The following GPR158 variants were observed in gnomAD, a reference collection of about 807,000 sequenced individuals.
The protein encoded by GPR158 is metabotropic glycine receptor.
GPR158 carries 30 observed loss-of-function variants against 78.2 expected under a neutral mutation model. The observed-to-expected ratio is 0.38, with a 90% CI of 0.29 to 0.52. The LOEUF is 0.52. GPR158 is among the 20% of genes least tolerant of loss of function. The pLI is 0.83. For missense variants in GPR158, 1,463 were observed against 1,523.5 expected, an observed-to-expected ratio of 0.96 and a Z score of 0.66; for synonymous variants, 581 against 591.1, an observed-to-expected ratio of 0.98 and a Z score of 0.25.
In GPR158 at chr10:25,594,825, T is replaced by A. The variant is rs527910646; in HGVS notation, c.1998+428T>A. On this transcript the variant is annotated intron_variant, in intron 9 of 10. Transcript: ENST00000376351. ...ATTATTACATATAGAGGAATCTCCA[T>A]AATGATAGATACTGACAAAGACTTG... Among the ~76,000 whole-genome samples the A allele has an allele frequency of 1.2e-4, 19 of 152,264 alleles. 1 individual carries two copies. In the South Asian group the frequency reaches 2.5e-3, roughly 20 times the overall value.
rs1852535104 is a variant in GPR158, at chr10:25,176,462, G to A, written c.902+140G>A. On this transcript the variant is annotated intron_variant, in intron 1 of 10. Transcript: ENST00000376351. The surrounding 1 kb of genome is among the most constrained non-coding windows in gnomAD (Gnocchi z 6.3). ...CCTCAGAGTAGAGACCCGGGCTGAGGGACACCCCACGCGGGCGCGGGTGCT... is the reference window on the plus strand; with the variant it reads ...CCTCAGAGTAGAGACCCGGGCTGAGAGACACCCCACGCGGGCGCGGGTGCT... 3.6e-5 allele frequency: 26 copies of A among 726,074 alleles called. No individual in the cohort carries two copies. The East Asian group carries it at 7.4e-4, about 21-fold the overall frequency. The allele number at this position is 726,074 out of a possible 1,614,324, so 45.0% of individuals were successfully genotyped here.
chr10:25,437,574 G>T lies in GPR158; in HGVS notation c.1335+25101G>T, dbSNP rs560340277. On this transcript the variant is annotated intron_variant, in intron 4 of 10. Transcript: ENST00000376351. ...TGCATTTAATAGTGCAGGAACAACT[G>T]TCTATTCATATGGAAAAATACAATA... Among the ~76,000 whole-genome samples, 6 of 152,310 alleles carry T rather than the reference G, an allele frequency of 3.9e-5. No individual in the cohort carries two copies. In the South Asian group the frequency reaches 6.2e-4, roughly 16 times the overall value.
chr10:25,340,874 G>A (rs1435901887), intron 2 of GPR158, among the ~76,000 whole-genome samples: 1 of 151,960 alleles, frequency 6.6e-6, no homozygotes, highest in African/African-American at 2.4e-5. Context: ...TAACTCCAAA[G>A]AAGTACTATT....
At chr10:25,212,910 A>G (rs1434970567) in intron 1 of GPR158, among the ~76,000 whole-genome samples, 1 of 152,114 alleles carries the variant, frequency 6.6e-6, no homozygotes, top group Non-Finnish European at 1.5e-5. Flanking sequence ...GATTACTGGT[A>G]TGAGCCATGG....
chr10:25,257,879 A>T (rs1303181179), intron 2 of GPR158, among the ~76,000 whole-genome samples: 2 of 152,126 alleles, frequency 1.3e-5, no homozygotes, highest in Non-Finnish European at 2.9e-5. Context: ...TCTTCTGTCC[A>T]TGCGGGTTAG....
chr10:25,572,940 C>A, intron 7 of GPR158, 53 bp downstream of exon 7: 2 of 1,023,064 alleles, frequency 2.0e-6, no homozygotes, highest in South Asian at 1.3e-5. Context: ...AGTAGCATTA[C>A]AACTGACTTC....
At chr10:25,356,398 T>C (rs190837696) in intron 2 of GPR158, among the ~76,000 whole-genome samples, 2 of 152,096 alleles carry the variant, frequency 1.3e-5, no homozygotes, top group East Asian at 3.9e-4. Context: ...CTTTGCGACT[T>C]TTTTTTGTTG....
intron 6 of GPR158, among the ~76,000 whole-genome samples, chr10:25,563,372 T>C (rs563006684): frequency 5.9e-5 from 9 of 152,308 alleles, no homozygotes; most frequent in African/African-American, 1.7e-4. Flanking sequence ...AGAAAACATA[T>C]AGTTGGATCA....
intron 5 of GPR158, among the ~76,000 whole-genome samples, chr10:25,468,720 A>T (rs1052765774): frequency 6.6e-6 from 1 of 152,236 alleles, no homozygotes; most frequent in Admixed American, 6.5e-5. Context: ...CCAGAAGATA[A>T]GTACTGACTT....
chr10:25,528,760 C>T (rs1009038165), intron 5 of GPR158, among the ~76,000 whole-genome samples: 1 of 152,042 alleles, frequency 6.6e-6, no homozygotes, highest in Non-Finnish European at 1.5e-5. Context: ...TAGTAATTTA[C>T]AAGTTTAGTC....
chr10:25,307,376 G>GT (rs1854693019), intron 2 of GPR158, among the ~76,000 whole-genome samples: 1 of 76,832 alleles, frequency 1.3e-5, no homozygotes, highest in African/African-American at 4.8e-5. Context: ...TATTTTAATT[G>GT]CTTTTTTTTT....
intron 7 of GPR158, among the ~76,000 whole-genome samples, chr10:25,588,476 G>T (rs1837299464): frequency 6.6e-6 from 1 of 152,140 alleles, no homozygotes; most frequent in Non-Finnish European, 1.5e-5. Flanking sequence ...GACAAAACAA[G>T]GTTTTATTTA....
At chr10:25,596,514 T>TATAG (rs111466818) in intron 9 of GPR158, 129 bp from the exon 10 acceptor site, 144 of 628,450 alleles carry the variant, frequency 2.3e-4, no homozygotes, top group Admixed American at 2.1e-3. Flanking sequence ...TATCTATATA[T>TATAG]ATAGATAGAT....
At chr10:25,289,416 A>G (rs1179561172) in intron 2 of GPR158, among the ~76,000 whole-genome samples, 2 of 152,146 alleles carry the variant, frequency 1.3e-5, no homozygotes, top group Non-Finnish European at 2.9e-5. Flanking sequence ...TTCCAGGCAA[A>G]GGAAGAGCAT....
intron 5 of GPR158, among the ~76,000 whole-genome samples, chr10:25,476,793 C>T (rs1238579697): frequency 6.6e-6 from 1 of 152,052 alleles, no homozygotes; most frequent in African/African-American, 2.4e-5. Context: ...TGGGAAGGCC[C>T]ATGTTGTACC....
chr10:25,495,516 T>A (rs912557657), intron 5 of GPR158, among the ~76,000 whole-genome samples: 1 of 151,946 alleles, frequency 6.6e-6, no homozygotes, highest in Admixed American at 6.6e-5. Context: ...AAAATCTTGA[T>A]CTCCTGACCT....
At chr10:25,399,502 A>T (rs1019934047) in intron 3 of GPR158, among the ~76,000 whole-genome samples, 2 of 152,172 alleles carry the variant, frequency 1.3e-5, no homozygotes, top group African/African-American at 4.8e-5. Flanking sequence ...GAGCAGTTTC[A>T]TCCCCAAACT....
chr10:25,486,224 A>G (rs1358452853), intron 5 of GPR158, among the ~76,000 whole-genome samples: 2 of 152,192 alleles, frequency 1.3e-5, no homozygotes, highest in African/African-American at 4.8e-5. Context: ...TCCTAATTCA[A>G]ACCCTACTTT....
At chr10:25,449,998 T>G (rs1361211871) in intron 4 of GPR158, among the ~76,000 whole-genome samples, 3 of 106,090 alleles carry the variant, frequency 2.8e-5, no homozygotes, top group African/African-American at 3.8e-5. Flanking sequence ...TTAATAAAAA[T>G]GATCAGAAAA....
Sources: allele counts gnomAD v4.1 joint callset (sites outside exome capture counted in the v4.1 genomes callset), GRCh38; gene constraint gnomAD v4.1.1; non-coding constraint Gnocchi (gnomAD v3.1); transcripts MANE v1.5; gene names NCBI Gene and HGNC (gene_info 2026-07-23, HGNC 2026-07-21).